FOXO1: variants seen among roughly 807,000 people sequenced by gnomAD.
FOXO1 encodes the protein forkhead box O1.
FOXO1 carries 6 observed loss-of-function variants against 44.1 expected under a neutral mutation model. That is an observed-to-expected ratio of 0.14 (90% CI 0.07 to 0.27). The LOEUF is 0.27. Among genes scored for constraint, FOXO1 ranks in the 10% least tolerant of loss-of-function variants. The probability of loss-of-function intolerance (pLI) is 1.00; values close to 1 mark genes in which losing one functional copy is unlikely to be tolerated. For synonymous variants in FOXO1, 380 were observed against 362.7 expected (o/e 1.05, Z -0.54); for missense variants, 737 against 888.8 (o/e 0.83, Z 2.17).
chr13:40,622,254 G>C (rs758860126), intron 1 of FOXO1, among the ~76,000 whole-genome samples: 1 of 152,266 alleles, frequency 6.6e-6, no homozygotes, highest in South Asian at 2.1e-4. Flanking sequence ...ATAAAGAATC[G>C]ATTGCATAGA....
chr13:40,582,978 CT>C (rs1331954301), intron 1 of FOXO1, among the ~76,000 whole-genome samples: 1 of 152,122 alleles, frequency 6.6e-6, no homozygotes, highest in Non-Finnish European at 1.5e-5. Context: ...CAACTTGGGC[CT>C]TAATAAAATA....
At chr13:40,601,769 A>C (rs1875822637) in intron 1 of FOXO1, among the ~76,000 whole-genome samples, 1 of 152,180 alleles carries the variant, frequency 6.6e-6, no homozygotes, top group Non-Finnish European at 1.5e-5. Flanking sequence ...GCAATACCTA[A>C]GCATCTTTGT....
Position 40,560,202 on chromosome 13 carries a change from C to G in FOXO1, c.1289G>C (p.Ser430Thr). 6.2e-7 allele frequency: 1 copy of G among 1,614,128 alleles called. No individual in the cohort carries two copies. Reference protein sequence around the residue: ...NYQKYTYGQSSMSPLPQMPIQ... With the variant: ...NYQKYTYGQSTMSPLPQMPIQ... ...AGGCATCTGGGGCAAAGGGCTCATGCTGGATTGGCCATATGTATATTTTTG... is the reference window on the plus strand; with the variant it reads ...AGGCATCTGGGGCAAAGGGCTCATGGTGGATTGGCCATATGTATATTTTTG... The change falls in exon 2 of 3, where the codon AGC becomes ACC. Residue 430 changes from serine to threonine, a missense_variant. Transcript: ENST00000379561. The surrounding 1 kb of genome is among the most constrained non-coding windows in gnomAD (Gnocchi z 5.1).
intron 1 of FOXO1, among the ~76,000 whole-genome samples, chr13:40,641,154 G>A (rs1593411258): frequency 6.6e-6 from 1 of 152,134 alleles, no homozygotes. Flanking sequence ...CGTAAAAGGA[G>A]GTTCTTTTCC....
chr13:40,640,275 T>C (rs1029916225), intron 1 of FOXO1, among the ~76,000 whole-genome samples: 5 of 152,102 alleles, frequency 3.3e-5, no homozygotes, highest in African/African-American at 9.7e-5. Flanking sequence ...TTTTAAAGGA[T>C]AAGGAAAGGG....
intron 1 of FOXO1, among the ~76,000 whole-genome samples, chr13:40,588,942 T>A (rs1027221661): frequency 6.6e-6 from 1 of 151,924 alleles, no homozygotes; most frequent in Admixed American, 6.6e-5. Flanking sequence ...CCATCTCTAT[T>A]AAAAATGCAA....
intron 1 of FOXO1, among the ~76,000 whole-genome samples, chr13:40,629,849 T>A (rs1295687709): frequency 1.3e-5 from 2 of 152,184 alleles, no homozygotes; most frequent in East Asian, 3.9e-4. Flanking sequence ...GGCACTGTGT[T>A]CTGTAAGAGG....
intron 1 of FOXO1, among the ~76,000 whole-genome samples, chr13:40,638,454 T>C (rs1245115235): frequency 6.6e-6 from 1 of 151,942 alleles, no homozygotes; most frequent in African/African-American, 2.4e-5. Context: ...TGTGAGAAAC[T>C]AAATATTAAG....
At chr13:40,617,984 C>T (rs60467406) in intron 1 of FOXO1, among the ~76,000 whole-genome samples, 116 of 152,290 alleles carry the variant, frequency 7.6e-4, no homozygotes, top group African/African-American at 2.7e-3. Flanking sequence ...ATGCATTCAC[C>T]GGCAAAACAG....
intron 1 of FOXO1, among the ~76,000 whole-genome samples, chr13:40,585,506 C>CA (rs1222740042): frequency 6.6e-6 from 1 of 152,226 alleles, no homozygotes; most frequent in Non-Finnish European, 1.5e-5. Flanking sequence ...TCAGCTGTTC[C>CA]AGCTCTGCAG....
At chr13:40,599,676 A>G (rs1369417941) in intron 1 of FOXO1, among the ~76,000 whole-genome samples, 1 of 152,132 alleles carries the variant, frequency 6.6e-6, no homozygotes, top group African/African-American at 2.4e-5. Context: ...GAGCACAGAA[A>G]AGTGTAAAAT....
intron 1 of FOXO1, chr13:40,619,027 C>G: frequency 2.0e-6 from 1 of 495,344 alleles, no homozygotes. Flanking sequence ...TGACTCATGC[C>G]TGTAATCCCA....
intron 1 of FOXO1, among the ~76,000 whole-genome samples, chr13:40,563,444 A>G (rs1253446488): frequency 1.3e-5 from 2 of 152,152 alleles, no homozygotes; most frequent in Non-Finnish European, 2.9e-5. Context: ...CCGCCTAAAG[A>G]TTTCAACACA....
At chr13:40,591,833 CTGAGA>C (rs1164368590) in intron 1 of FOXO1, among the ~76,000 whole-genome samples, 1 of 152,062 alleles carries the variant, frequency 6.6e-6, no homozygotes, top group Non-Finnish European at 1.5e-5. Context: ...TCCTGAGTAG[CTGAGA>C]TATTTTTACA....
Position 40,665,902 on chromosome 13 carries a change from C to CCGGTGG in FOXO1, c.305_310dup (p.Ala102_Thr103dup). On this transcript the variant is annotated inframe_insertion, in exon 1 of 3. Coordinates refer to ENST00000379561, the MANE Select transcript of FOXO1 (RefSeq NM_002015.4). ...GCCCTGGAAGTCCCCGCACAGCCCC[C>CCGGTGG]CGGTGGCGGCCGCGGCGGCCGCCGC... 8.5e-7 allele frequency: 1 copy of CCGGTGG among 1,174,382 alleles called. No homozygotes were observed. The highest frequency in any genetic ancestry group is 1.0e-6 in the Non-Finnish European group (1 of 954,432). The allele number at this position is 1,174,382 out of a possible 1,614,324, so 72.7% of individuals were successfully genotyped here.
At chr13:40,656,430 G>T (rs1358320757) in intron 1 of FOXO1, among the ~76,000 whole-genome samples, 1 of 152,068 alleles carries the variant, frequency 6.6e-6, no homozygotes, top group African/African-American at 2.4e-5. Flanking sequence ...TTCTTTCTTT[G>T]AATCACTCTG....
chr13:40,662,581 T>C (rs913961342), intron 1 of FOXO1, among the ~76,000 whole-genome samples: 1 of 152,194 alleles, frequency 6.6e-6, no homozygotes, highest in Non-Finnish European at 1.5e-5. Context: ...ACAAAATGCA[T>C]ATCCTTCAAA....
chr13:40,663,681 G>T (rs1358279619), intron 1 of FOXO1, among the ~76,000 whole-genome samples: 1 of 152,208 alleles, frequency 6.6e-6, no homozygotes, highest in Admixed American at 6.5e-5. Flanking sequence ...TGAACTTAAC[G>T]GTAAGAAGGC....
chr13:40,613,737 C>G (rs1566075762), intron 1 of FOXO1, among the ~76,000 whole-genome samples: 1 of 152,210 alleles, frequency 6.6e-6, no homozygotes, highest in Non-Finnish European at 1.5e-5. Context: ...TGAACAAACA[C>G]AAGCGTGAGC....
Sources: allele counts gnomAD v4.1 joint callset (sites outside exome capture counted in the v4.1 genomes callset), GRCh38; gene constraint gnomAD v4.1.1; non-coding constraint Gnocchi (gnomAD v3.1); transcripts MANE v1.5; gene names NCBI Gene and HGNC (gene_info 2026-07-23, HGNC 2026-07-21).